The following RARB variants were observed in gnomAD, a reference collection of about 807,000 sequenced individuals.
RARB encodes HBV-activated protein.
In RARB, 17 loss-of-function variants were observed where a neutral mutation model predicts 51.9. The ratio of observed to expected loss-of-function variants is 0.33; its 90% CI spans 0.22 to 0.49. The LOEUF (loss-of-function observed/expected upper bound fraction) is 0.49. RARB is among the 20% of genes least tolerant of loss of function. The pLI is 0.99. For missense variants in RARB, 369 were observed against 550.8 expected, an observed-to-expected ratio of 0.67 and a Z score of 3.30; for synonymous variants, 215 against 195.4, an observed-to-expected ratio of 1.10 and a Z score of -0.84.
chr3:25,141,078 T>C (rs1340386745), intron 4 of RARB, among the ~76,000 whole-genome samples: 1 of 152,172 alleles, frequency 6.6e-6, no homozygotes, highest in Admixed American at 6.5e-5. Flanking sequence ...TGCAGTGGTC[T>C]GGAACTAAAC....
At chr3:24,909,891 G>A (rs1479765017) in intron 2 of RARB, among the ~76,000 whole-genome samples, 1 of 151,974 alleles carries the variant, frequency 6.6e-6, no homozygotes, top group East Asian at 1.9e-4. Context: ...CAAGTAACAT[G>A]TCTCTGTGTG....
chr3:25,559,347 G>T (rs33986016), intron 3 of RARB, among the ~76,000 whole-genome samples: 38,179 of 151,890 alleles, frequency 0.25, 4,853 homozygotes, highest in East Asian at 0.38. Flanking sequence ...CTTCTGAGAT[G>T]TTTTTTCCCT....
chr3:25,101,279 C>T (rs527992098), intron 3 of RARB, among the ~76,000 whole-genome samples: 2 of 152,152 alleles, frequency 1.3e-5, no homozygotes, highest in South Asian at 4.1e-4. Context: ...CACAAACTTA[C>T]TGGAAACCAA....
chr3:25,354,426 C>T (rs1456458039), intron 5 of RARB, among the ~76,000 whole-genome samples: 2 of 152,036 alleles, frequency 1.3e-5, no homozygotes, highest in African/African-American at 2.4e-5. Context: ...CTTCTCGTTT[C>T]TAAAACTTAT....
At chr3:25,540,047 A>G (rs749520063) in intron 3 of RARB, among the ~76,000 whole-genome samples, 1 of 152,202 alleles carries the variant, frequency 6.6e-6, no homozygotes, top group Non-Finnish European at 1.5e-5. Context: ...GGTTCTACAC[A>G]GGGGTCCTGA....
At chr3:24,836,914 T>C (rs1201217316) in intron 1 of RARB, among the ~76,000 whole-genome samples, 1 of 152,226 alleles carries the variant, frequency 6.6e-6, no homozygotes, top group African/African-American at 2.4e-5. Flanking sequence ...ATTTATTTCA[T>C]AAGTATTTAT....
intron 2 of RARB, among the ~76,000 whole-genome samples, chr3:24,986,541 G>A (rs527862641): frequency 6.6e-6 from 1 of 152,298 alleles, no homozygotes; most frequent in South Asian, 2.1e-4. Flanking sequence ...TTTAGTTAAA[G>A]AAATATTAAT....
chr3:24,863,722 T>TA (rs397876684), intron 2 of RARB, among the ~76,000 whole-genome samples: 1 of 151,792 alleles, frequency 6.6e-6, no homozygotes, highest in Non-Finnish European at 1.5e-5. Context: ...TTTTTTTTTT[T>TA]AAAGGAATGC....
chr3:25,536,331 G>T (rs750949774), intron 3 of RARB, among the ~76,000 whole-genome samples: 1 of 152,204 alleles, frequency 6.6e-6, no homozygotes, highest in Non-Finnish European at 1.5e-5. Context: ...TATTTGTCAT[G>T]CTAAAGACAC....
Position 25,104,461 on chromosome 3 carries a change from G to A in RARB, c.-327-27700G>A, listed in dbSNP as rs148475685. On this transcript the variant is annotated intron_variant, in intron 3 of 11. Coordinates refer to the RARB transcript ENST00000383772. ...GTTTGAGACAAGCCTGGGCAACATGGGGGAAAACCCATCTCTACTGAAAAT... is the reference window on the plus strand; with the variant it reads ...GTTTGAGACAAGCCTGGGCAACATGAGGGAAAACCCATCTCTACTGAAAAT... Among the ~76,000 whole-genome samples, 9 of 152,182 alleles carry A rather than the reference G, an allele frequency of 5.9e-5. No homozygotes were observed. The East Asian group carries it at 1.5e-3, about 26-fold the overall frequency.
At chr3:25,278,877 G>A (rs1423692414) in intron 5 of RARB, among the ~76,000 whole-genome samples, 1 of 152,116 alleles carries the variant, frequency 6.6e-6, no homozygotes, top group Admixed American at 6.6e-5. Flanking sequence ...GAGGTAGGTG[G>A]CTGTGGTTTC....
At chr3:25,278,588 A>T (rs1019757063) in intron 5 of RARB, among the ~76,000 whole-genome samples, 2 of 152,192 alleles carry the variant, frequency 1.3e-5, no homozygotes, top group Non-Finnish European at 2.9e-5. Flanking sequence ...CACTAGCTGT[A>T]TCAATTGATT....
intron 5 of RARB, among the ~76,000 whole-genome samples, chr3:25,350,102 C>T (rs1705515035): frequency 6.6e-6 from 1 of 152,072 alleles, no homozygotes; most frequent in African/African-American, 2.4e-5. Flanking sequence ...AACTACCAGA[C>T]TTTCTGTAGG....
At chr3:25,215,812 T>C (rs1211789490) in intron 5 of RARB, among the ~76,000 whole-genome samples, 2 of 152,164 alleles carry the variant, frequency 1.3e-5, no homozygotes, top group Non-Finnish European at 2.9e-5. Context: ...GACTCTTCTC[T>C]GGAATGTTCT....
chr3:25,018,099 C>A (rs1697554433), intron 2 of RARB, among the ~76,000 whole-genome samples: 1 of 152,104 alleles, frequency 6.6e-6, no homozygotes, highest in Non-Finnish European at 1.5e-5. Context: ...TTATTGCAAC[C>A]CAAACAGACT....
At chr3:24,941,414 G>A (rs1695664687) in intron 2 of RARB, among the ~76,000 whole-genome samples, 1 of 149,824 alleles carries the variant, frequency 6.7e-6, no homozygotes, top group South Asian at 2.1e-4. Flanking sequence ...TCTTCACCCA[G>A]GCTGGAGTGC....
At chr3:24,851,557 G>C (rs1447383469) in intron 1 of RARB, among the ~76,000 whole-genome samples, 1 of 152,062 alleles carries the variant, frequency 6.6e-6, no homozygotes, top group African/African-American at 2.4e-5. Context: ...ATACATGCTA[G>C]ATGAAACATC....
chr3:25,551,429 A>T (rs1699848719), intron 3 of RARB, among the ~76,000 whole-genome samples: 1 of 152,218 alleles, frequency 6.6e-6, no homozygotes, highest in Non-Finnish European at 1.5e-5. Context: ...TATACTGGAT[A>T]AGGAAGAGAG....
At chr3:25,117,792 C>CCAAAGTAATTAAT (rs544755331) in intron 3 of RARB, among the ~76,000 whole-genome samples, 34 of 152,218 alleles carry the variant, frequency 2.2e-4, no homozygotes, top group Middle Eastern at 3.4e-3. Context: ...GGGAAAAATA[C>CCAAAGTAATTAAT]ACCAAAGAAA....
Sources: gnomAD v4.1 joint callset for allele counts (sites outside exome capture counted in the v4.1 genomes callset) on GRCh38, gnomAD v4.1.1 for gene constraint, MANE v1.5 for transcripts, NCBI Gene and HGNC (gene_info 2026-07-23, HGNC 2026-07-21) for gene names.